SPDYA: variants seen among roughly 807,000 people sequenced by gnomAD.
SPDYA encodes speedy/RINGO cell cycle regulator family member A, also known as speedy protein A.
SPDYA carries 11 observed loss-of-function variants against 36.7 expected under a neutral mutation model. The ratio of observed to expected loss-of-function variants is 0.30; its 90% CI spans 0.19 to 0.50. The LOEUF (loss-of-function observed/expected upper bound fraction) is 0.50. SPDYA is among the 20% of genes least tolerant of loss of function. The pLI is 0.98. For synonymous variants in SPDYA, 115 were observed against 118.7 expected (o/e 0.97, Z 0.20); for missense variants, 287 against 370.9 (o/e 0.77, Z 1.86).
intron 5 of SPDYA, among the ~76,000 whole-genome samples, chr2:28,828,267 G>A (rs892972458): frequency 6.6e-6 from 1 of 152,124 alleles, no homozygotes; most frequent in Non-Finnish European, 1.5e-5. Context: ...GATTACAGGA[G>A]TGAGCCACCA....
chr2:28,827,731 CAT>C (rs938732768), intron 5 of SPDYA, among the ~76,000 whole-genome samples: 2 of 152,050 alleles, frequency 1.3e-5, no homozygotes, highest in African/African-American at 4.8e-5. Flanking sequence ...TAATTTTCTT[CAT>C]GTTTCATGTG....
At chr2:28,840,695 C>G (rs999815364) in intron 7 of SPDYA, 2 of 1,265,028 alleles carry the variant, frequency 1.6e-6, no homozygotes, top group African/African-American at 3.1e-5. Context: ...AAGTTGAAAA[C>G]TAATGCACCA....
chr2:28,842,199 A>C (rs890713881), intron 7 of SPDYA: 11 of 152,220 alleles, frequency 7.2e-5, no homozygotes, highest in African/African-American at 2.7e-4. Flanking sequence ...TTGGCAGTGA[A>C]AATAAGCTGC....
At chr2:28,819,289 A>C (rs893419436) in intron 4 of SPDYA, among the ~76,000 whole-genome samples, 183 bp downstream of exon 4, 3 of 152,172 alleles carry the variant, frequency 2.0e-5, no homozygotes, top group African/African-American at 7.2e-5. Context: ...TGGGTGGATC[A>C]CTTGAAGCCA....
At chr2:28,843,730 A>G (rs1294234417) in intron 7 of SPDYA, among the ~76,000 whole-genome samples, 3 of 152,252 alleles carry the variant, frequency 2.0e-5, no homozygotes, top group East Asian at 1.9e-4. Context: ...TATTCATTTT[A>G]CTGATGAAAA....
intron 7 of SPDYA, chr2:28,840,931 T>A (rs1288870080): frequency 8.4e-4 from 36 of 42,700 alleles, no homozygotes; most frequent in Non-Finnish European, 1.5e-3. Flanking sequence ...CCAAAACCAG[T>A]TTTTTTTTTT....
At chr2:28,824,838 C>T (rs1182476487) in intron 5 of SPDYA, among the ~76,000 whole-genome samples, 2 of 151,998 alleles carry the variant, frequency 1.3e-5, no homozygotes, top group Non-Finnish European at 2.9e-5. Flanking sequence ...CGTGAGCCAC[C>T]GCGCCCAGCC....
At chr2:28,843,550 C>CA (rs371405702) in intron 7 of SPDYA, among the ~76,000 whole-genome samples, 57,187 of 110,524 alleles carry the variant, frequency 0.52, 12,574 homozygotes, top group Middle Eastern at 0.59. Context: ...AACTTCGTCT[C>CA]AAAAAAAAAA....
chr2:28,823,777 A>C (rs1668241965), intron 5 of SPDYA, among the ~76,000 whole-genome samples: 2 of 96,184 alleles, frequency 2.1e-5, no homozygotes, highest in Admixed American at 1.4e-4. Flanking sequence ...ATGGAGTCTC[A>C]CTCTGTCACC....
chr2:28,829,133 G>C lies in SPDYA; in HGVS notation c.381-15G>C. ...TTTACCCATTTCTTTTTTGGGTTGT[G>C]ATCTTCTTTGTTAGGTATCTGGCTA... is the stretch of plus-strand genomic sequence containing the variant. On this transcript the variant is annotated splice_polypyrimidine_tract_variant and intron_variant, in intron 5 of 7. Coordinates refer to ENST00000334056, the MANE Select transcript of SPDYA (RefSeq NM_182756.4). The C allele has an allele frequency of 6.3e-7, 1 of 1,599,436 alleles. No homozygotes were observed. Among genetic ancestry groups the C allele is most frequent in the Non-Finnish European group, 8.5e-7 (1 of 1,175,024 alleles).
chr2:28,846,722 TACACACACACACACACACAC>T (rs58731880), intron 7 of SPDYA, among the ~76,000 whole-genome samples: 54 of 126,556 alleles, frequency 4.3e-4, no homozygotes, highest in Admixed American at 1.5e-3. Context: ...AGAAGAAAAC[TACACACACACACACACACAC>T]ACACACACAC....
At chr2:28,832,843 CT>C (rs36004797) in intron 6 of SPDYA, among the ~76,000 whole-genome samples, 53,694 of 130,464 alleles carry the variant, frequency 0.41, 9,858 homozygotes, top group East Asian at 0.71. Flanking sequence ...CCACCCCCAC[CT>C]TTTTTTTTTT....
chr2:28,829,585 A>T (rs1323152955), intron 6 of SPDYA, among the ~76,000 whole-genome samples: 2 of 152,034 alleles, frequency 1.3e-5, no homozygotes, highest in East Asian at 3.9e-4. Flanking sequence ...AGGCGGGTGG[A>T]TCTCCTGAGG....
At chr2:28,822,608 TA>T (rs1248643100) in intron 5 of SPDYA, among the ~76,000 whole-genome samples, 198 bp downstream of exon 5, 1 of 152,158 alleles carries the variant, frequency 6.6e-6, no homozygotes, top group Non-Finnish European at 1.5e-5. Flanking sequence ...TTTCCTTTTT[TA>T]TTTATTTATT....
chr2:28,850,221 T>C lies in SPDYA; in HGVS notation c.*280T>C. On this transcript the variant is annotated 3_prime_UTR_variant, in exon 8 of 8. Transcript: ENST00000334056. ...TACTCAGTTAAGTTGTGGTTTGACC[T>C]TCCTCAACTTGACAAGAAAAGCTAA... 2 of 1,611,926 alleles carry C rather than the reference T, an allele frequency of 1.2e-6. No individual in the cohort carries two copies. The highest frequency in any genetic ancestry group is 1.7e-6 in the Non-Finnish European group (2 of 1,179,064).
intron 7 of SPDYA, among the ~76,000 whole-genome samples, chr2:28,845,124 C>G (rs1190964885): frequency 6.6e-6 from 1 of 151,984 alleles, no homozygotes; most frequent in Non-Finnish European, 1.5e-5. Context: ...CTTGCTCTGT[C>G]ACCTGGGCTG....
At chr2:28,820,367 C>G (rs1668126579) in intron 4 of SPDYA, among the ~76,000 whole-genome samples, 1 of 151,890 alleles carries the variant, frequency 6.6e-6, no homozygotes, top group African/African-American at 2.4e-5. Flanking sequence ...GGGCAGATCA[C>G]CTGAAGTCAG....
chr2:28,840,938 T>C (rs902472967), intron 7 of SPDYA: 20 of 270,160 alleles, frequency 7.4e-5, no homozygotes, highest in Non-Finnish European at 1.0e-4. Context: ...CAGTTTTTTT[T>C]TTTTTTTTTT....
chr2:28,833,880 C>T (rs577109806), intron 6 of SPDYA, among the ~76,000 whole-genome samples: 4 of 152,060 alleles, frequency 2.6e-5, no homozygotes, highest in African/African-American at 7.2e-5. Flanking sequence ...AAAATTAAAA[C>T]CTTTTGTCCT....
Sources: gnomAD v4.1 joint callset for allele counts (sites outside exome capture counted in the v4.1 genomes callset) on GRCh38, gnomAD v4.1.1 for gene constraint, MANE v1.5 for transcripts, NCBI Gene and HGNC (gene_info 2026-07-23, HGNC 2026-07-21) for gene names.